DHX32: variants seen among roughly 807,000 people sequenced by gnomAD.
The protein encoded by DHX32 is DEAH-box helicase 32 (putative).
Under a neutral mutation model 70.0 loss-of-function variants are expected in DHX32, and 51 were observed. The ratio of observed to expected loss-of-function variants is 0.73; its 90% CI spans 0.58 to 0.92. The LOEUF is 0.92. DHX32 is among the 40% of genes least tolerant of loss of function. The probability of loss-of-function intolerance (pLI) is 0.00; values close to 1 mark genes in which losing one functional copy is unlikely to be tolerated. For missense variants in DHX32, 762 were observed against 891.8 expected (o/e 0.85, Z 1.85); for synonymous variants, 310 against 315.3 (o/e 0.98, Z 0.18).
At chr10:125,853,043 C>T in intron 4 of DHX32, 2 of 1,043,028 alleles carry the variant, frequency 1.9e-6, no homozygotes, top group Non-Finnish European at 1.4e-6. Flanking sequence ...GTGGTCTCAC[C>T]TTTACAACAC....
At chr10:125,865,936 G>A (rs1485438105) in intron 2 of DHX32, among the ~76,000 whole-genome samples, 2 of 152,212 alleles carry the variant, frequency 1.3e-5, no homozygotes, top group Non-Finnish European at 2.9e-5. Flanking sequence ...TCCTGGGGAT[G>A]AGCACATGAG....
intron 2 of DHX32, among the ~76,000 whole-genome samples, chr10:125,864,758 G>A (rs11244676): frequency 0.92 from 139,355 of 151,592 alleles, 64,114 homozygotes; most frequent in Non-Finnish European, 0.94. Context: ...GCGAAACCCC[G>A]TCTCTACTAA....
Position 125,842,708 on chromosome 10 carries a change from A to G in DHX32, c.1352-774T>C, listed in dbSNP as rs1480755005. On this transcript the variant is annotated intron_variant, in intron 6 of 10. Coordinates refer to ENST00000284690, the MANE Select transcript of DHX32 (RefSeq NM_018180.3). ...CAGGAAAATACATTGCATAATACAG[A>G]GAAAAATTAATCACAACTGACCTGG... is the stretch of plus-strand genomic sequence containing the variant. 6.3e-6 allele frequency: 3 copies of G among 478,078 alleles called. No homozygotes were observed. The African/African-American group carries it at 6.3e-5, about 10-fold the overall frequency. The allele number at this position is 478,078 out of a possible 1,614,324, so 29.6% of individuals were successfully genotyped here. A position where few individuals can be genotyped will look rare whatever the true frequency, so the allele number is the denominator to read the frequency against.
intron 6 of DHX32, chr10:125,842,140 C>A: frequency 1.5e-6 from 1 of 675,184 alleles, no homozygotes; most frequent in Non-Finnish European, 2.3e-6. Context: ...GATTGTCCAG[C>A]TCATGCTCCG....
At chr10:125,850,354 C>CTTTTTTTTTTTTTTT (rs765077777) in intron 6 of DHX32, among the ~76,000 whole-genome samples, 1 of 124,558 alleles carries the variant, frequency 8.0e-6, no homozygotes, top group East Asian at 2.2e-4. Context: ...TTCTTTCTTT[C>CTTTTTTTTTTTTTTT]TTTTTTTTTT....
At chr10:125,867,961 A>G (rs1288431298) in intron 1 of DHX32, among the ~76,000 whole-genome samples, 1 of 152,206 alleles carries the variant, frequency 6.6e-6, no homozygotes, top group Non-Finnish European at 1.5e-5. Context: ...TTATATTTAA[A>G]TCCAAATGAT....
At chr10:125,896,066 C>T in intron 1 of DHX32, among the ~76,000 whole-genome samples, 1 of 152,416 alleles carries the variant, frequency 6.6e-6, no homozygotes, top group African/African-American at 2.4e-5. Context: ...CTCGGCGTTT[C>T]GGAGTCGGGG....
chr10:125,871,075 A>G (rs924676177), intron 1 of DHX32, among the ~76,000 whole-genome samples: 2 of 152,210 alleles, frequency 1.3e-5, no homozygotes, highest in African/African-American at 2.4e-5. Context: ...ATCATGAGCC[A>G]TGTTCTCAAG....
At chr10:125,886,282 C>T (rs571566238), upstream of DHX32, among the ~76,000 whole-genome samples, 4 of 152,278 alleles carry the variant, frequency 2.6e-5, no homozygotes, top group South Asian at 6.2e-4. Context: ...AAACTTTTAC[C>T]GCTCTCCCAC....
At chr10:125,856,948 C>T (rs1259722559) in intron 3 of DHX32, among the ~76,000 whole-genome samples, 1 of 152,222 alleles carries the variant, frequency 6.6e-6, no homozygotes, top group African/African-American at 2.4e-5. Context: ...TAGTGAGGTC[C>T]TGTCTCTAAG....
At chr10:125,839,262 G>T in intron 8 of DHX32, 74 bp from the exon 9 acceptor site, 1 of 1,493,300 alleles carries the variant, frequency 6.7e-7, no homozygotes, top group Non-Finnish European at 9.1e-7. Context: ...CCAGGCAGTT[G>T]CCATCTTTAA....
At chr10:125,889,949 G>GAGCA (rs1214865382) in intron 1 of DHX32, among the ~76,000 whole-genome samples, 64 of 152,332 alleles carry the variant, frequency 4.2e-4, no homozygotes, top group African/African-American at 1.5e-3. Context: ...ATCTGTGGTA[G>GAGCA]AGCAGGTGCT....
chr10:125,885,986 G>A (rs1045556925), upstream of DHX32, among the ~76,000 whole-genome samples: 2 of 152,144 alleles, frequency 1.3e-5, no homozygotes, highest in African/African-American at 4.8e-5. Context: ...ATCTCACTCT[G>A]AGGAAAAACC....
At chr10:125,848,501 G>C (rs1380904662) in intron 6 of DHX32, among the ~76,000 whole-genome samples, 2 of 152,162 alleles carry the variant, frequency 1.3e-5, no homozygotes, top group Admixed American at 6.5e-5. Context: ...TGTAAAGTGA[G>C]GTTTTGAACT....
chr10:125,873,787 C>G (rs2134067579), intron 1 of DHX32, among the ~76,000 whole-genome samples: 1 of 152,288 alleles, frequency 6.6e-6, no homozygotes. Context: ...TCACACATCC[C>G]TGGATAACAA....
chr10:125,852,158 A>C (rs1944098724), intron 6 of DHX32, 135 bp downstream of exon 6: 3 of 1,097,862 alleles, frequency 2.7e-6, no homozygotes, highest in Non-Finnish European at 3.8e-6. Flanking sequence ...CTAGCAGGAA[A>C]ATGCTTCAGT....
intron 6 of DHX32, among the ~76,000 whole-genome samples, chr10:125,847,840 T>C (rs1002495773): frequency 6.6e-6 from 1 of 152,010 alleles, no homozygotes. Context: ...ATCCCTGGCA[T>C]GTGCAGTTCA....
intron 2 of DHX32, among the ~76,000 whole-genome samples, chr10:125,860,994 CAG>C (rs1944184525): frequency 6.6e-6 from 1 of 151,816 alleles, no homozygotes; most frequent in Admixed American, 6.6e-5. Context: ...CCTTGTGATC[CAG>C]CCACCTTGGC....
Position 125,866,911 on chromosome 10 carries a change from C to A in DHX32, c.476+79G>T. 2 of 1,466,952 alleles carry A rather than the reference C, an allele frequency of 1.4e-6. No homozygotes were observed. The highest frequency in any genetic ancestry group is 1.9e-5 in the Admixed American group (1 of 53,298). The allele number at this position is 1,466,952 out of a possible 1,614,324, so 90.9% of individuals were successfully genotyped here. On this transcript the variant is annotated intron_variant, in intron 2 of 10. Coordinates refer to ENST00000284690, the MANE Select transcript of DHX32 (RefSeq NM_018180.3). This position sits in a 1 kb window ranked among gnomAD's most constrained non-coding sequence, Gnocchi z 4.8. ...CATAGATGCTTAACAGGTAGAATGC[C>A]AGAATAATGCTCCTTCAGAATTGTA...
Sources: gnomAD v4.1 joint callset for allele counts (sites outside exome capture counted in the v4.1 genomes callset) on GRCh38, gnomAD v4.1.1 for gene constraint, Gnocchi (gnomAD v3.1) non-coding constraint, MANE v1.5 for transcripts, NCBI Gene and HGNC (gene_info 2026-07-23, HGNC 2026-07-21) for gene names.